The following ALCAM variants were observed in gnomAD, a reference collection of about 807,000 sequenced individuals.
ALCAM encodes the protein CD166 antigen.
Under a neutral mutation model 70.9 loss-of-function variants are expected in ALCAM, and 30 were observed. The observed-to-expected ratio is 0.42, with a 90% confidence interval of 0.32 to 0.57. The LOEUF is 0.57. Among genes scored for constraint, ALCAM ranks in the 20% least tolerant of loss-of-function variants. The pLI is 0.11. For synonymous variants in ALCAM, 249 were observed against 242.5 expected, an observed-to-expected ratio of 1.03 and a Z score of -0.25; for missense variants, 591 against 695.1, an observed-to-expected ratio of 0.85 and a Z score of 1.68.
chr3:105,408,916 A>T (rs1936316250), intron 1 of ALCAM, among the ~76,000 whole-genome samples: 1 of 152,196 alleles, frequency 6.6e-6, no homozygotes, highest in African/African-American at 2.4e-5. Flanking sequence ...TCAAAAGAAG[A>T]TGTACAATTG....
intron 1 of ALCAM, among the ~76,000 whole-genome samples, chr3:105,387,727 A>G (rs1178420410): frequency 1.3e-5 from 2 of 151,480 alleles, no homozygotes; most frequent in South Asian, 2.1e-4. Context: ...TCAGTGGCAG[A>G]GGGATATGAA....
Position 105,367,285 on chromosome 3 carries a change from T to A in ALCAM, c.-124T>A. On this transcript the variant is annotated 5_prime_UTR_variant, in exon 1 of 16. Coordinates refer to ENST00000306107, the MANE Select transcript of ALCAM (RefSeq NM_001627.4). ...CAGCGCCACAGCCCAGGGGACGGTG[T>A]GTCTGGGAGAAGACGCTGCCCCTGC... The A allele has an allele frequency of 1.1e-6, 1 of 876,772 alleles. No individual in the cohort carries two copies. The highest frequency in any genetic ancestry group is 1.8e-6 in the Non-Finnish European group (1 of 556,286). The allele number at this position is 876,772 out of a possible 1,614,324, so 54.3% of individuals were successfully genotyped here. A position where few individuals can be genotyped will look rare whatever the true frequency, so the allele number is the denominator to read the frequency against.
chr3:105,472,321 T>G (rs976625525), intron 1 of ALCAM, among the ~76,000 whole-genome samples: 5 of 151,520 alleles, frequency 3.3e-5, no homozygotes, highest in African/African-American at 7.3e-5. Flanking sequence ...AGAATTCATT[T>G]CCCTAATTGC....
chr3:105,565,345 A>G (rs1940720123), intron 14 of ALCAM, among the ~76,000 whole-genome samples: 1 of 152,112 alleles, frequency 6.6e-6, no homozygotes, highest in Non-Finnish European at 1.5e-5. Context: ...GAAAAGATTC[A>G]TGTTGCATAA....
At chr3:105,569,853 C>G (rs1940825873) in intron 14 of ALCAM, among the ~76,000 whole-genome samples, 1 of 152,136 alleles carries the variant, frequency 6.6e-6, no homozygotes, top group African/African-American at 2.4e-5. Flanking sequence ...GATTTCTTTG[C>G]ATTTTTTGAG....
At chr3:105,488,136 G>A (rs1938483301) in intron 1 of ALCAM, among the ~76,000 whole-genome samples, 1 of 152,060 alleles carries the variant, frequency 6.6e-6, no homozygotes. Flanking sequence ...TTGTTTTCCT[G>A]TCTCACCATG....
intron 15 of ALCAM, among the ~76,000 whole-genome samples, chr3:105,573,803 C>T (rs1481762434): frequency 6.6e-6 from 1 of 152,132 alleles, no homozygotes; most frequent in African/African-American, 2.4e-5. Flanking sequence ...CCACAAGTCA[C>T]AATTTGAGTG....
At position 105,575,919 on chromosome 3, in the gene ALCAM, A is replaced by G. The variant is rs939349787; in HGVS notation, c.*1468A>G. The G allele has an allele frequency of 1.3e-5, 2 of 152,332 alleles. No homozygotes were observed. Among genetic ancestry groups the G allele is most frequent in the Non-Finnish European group, 2.9e-5 (2 of 68,024 alleles). The allele number at this position is 152,332 out of a possible 1,614,324, so 9.4% of individuals were successfully genotyped here. ...TAAAAAATTATGAAGGCAATGAAAA[A>G]TAAATTGAAAATTAAAGTCAGATGA... On this transcript the variant is annotated 3_prime_UTR_variant, in exon 16 of 16. Transcript: ENST00000306107.
At chr3:105,375,079 C>T (rs975209908) in intron 1 of ALCAM, among the ~76,000 whole-genome samples, 7 of 152,166 alleles carry the variant, frequency 4.6e-5, no homozygotes, top group Non-Finnish European at 5.9e-5. Flanking sequence ...AACCATTCCC[C>T]AGGTGACACC....
At chr3:105,437,983 A>G (rs1189368560) in intron 1 of ALCAM, among the ~76,000 whole-genome samples, 1 of 152,138 alleles carries the variant, frequency 6.6e-6, no homozygotes, top group Non-Finnish European at 1.5e-5. Flanking sequence ...TTATTTGTAA[A>G]TAAATAAGTC....
intron 1 of ALCAM, among the ~76,000 whole-genome samples, chr3:105,384,277 C>G (rs896432959): frequency 1.3e-5 from 2 of 151,494 alleles, no homozygotes; most frequent in Non-Finnish European, 3.0e-5. Flanking sequence ...CTGATAAAAA[C>G]AGTGCAGAAT....
chr3:105,536,750 G>A (rs1939979696), intron 6 of ALCAM, among the ~76,000 whole-genome samples: 1 of 152,110 alleles, frequency 6.6e-6, no homozygotes, highest in South Asian at 2.1e-4. Context: ...ACCTACATCA[G>A]AAGGAAATTG....
At chr3:105,493,557 C>T (rs910860383) in intron 1 of ALCAM, among the ~76,000 whole-genome samples, 1 of 151,726 alleles carries the variant, frequency 6.6e-6, no homozygotes, top group Non-Finnish European at 1.5e-5. Flanking sequence ...TTCCTGGCCG[C>T]AGTGAGGAAG....
chr3:105,486,913 G>T (rs967764477), intron 1 of ALCAM, among the ~76,000 whole-genome samples: 8 of 151,156 alleles, frequency 5.3e-5, no homozygotes, highest in African/African-American at 1.9e-4. Context: ...ATTATTTTCA[G>T]CAGTGAATTA....
rs1935098629 is a variant in ALCAM at position 105,367,605 on chromosome 3, C to G, written c.73+124C>G. The stretch of plus-strand genomic sequence containing the variant: ...GCGCGTGGTGGAGGTAAGGGGACCG[C>G]TGTCCTGGCACAGAGCTGTCCCCGG... On this transcript the variant is annotated intron_variant, in intron 1 of 15. Transcript: ENST00000306107. 4.5e-6 allele frequency: 5 copies of G among 1,120,684 alleles called. No individual in the cohort carries two copies. The South Asian group carries it at 7.0e-5, about 16-fold the overall frequency. 69.4% of individuals were successfully genotyped at this position (1,120,684 alleles called of 1,614,324 possible).
chr3:105,561,619 A>G (rs552413125), intron 14 of ALCAM, among the ~76,000 whole-genome samples: 1 of 152,220 alleles, frequency 6.6e-6, no homozygotes, highest in South Asian at 2.1e-4. Context: ...TCCGACCACA[A>G]AGTAAGAGGG....
At chr3:105,488,888 G>T (rs1203785541) in intron 1 of ALCAM, among the ~76,000 whole-genome samples, 3 of 152,188 alleles carry the variant, frequency 2.0e-5, no homozygotes, top group African/African-American at 7.2e-5. Context: ...TGCAAGATTA[G>T]ATTGAACCTG....
intron 1 of ALCAM, among the ~76,000 whole-genome samples, chr3:105,444,166 A>G (rs1346233872): frequency 6.6e-6 from 1 of 152,158 alleles, no homozygotes; most frequent in Non-Finnish European, 1.5e-5. Flanking sequence ...TCTGTTAGTA[A>G]GCAAGAATAT....
At chr3:105,447,268 G>A (rs770455968) in intron 1 of ALCAM, among the ~76,000 whole-genome samples, 11 of 152,042 alleles carry the variant, frequency 7.2e-5, no homozygotes, top group Non-Finnish European at 1.0e-4. Flanking sequence ...TAAAATCAAT[G>A]TATCCTAAAT....
Sources: gnomAD v4.1 joint callset for allele counts (sites outside exome capture counted in the v4.1 genomes callset) on GRCh38, gnomAD v4.1.1 for gene constraint, MANE v1.5 for transcripts, NCBI Gene and HGNC (gene_info 2026-07-23, HGNC 2026-07-21) for gene names.